The following DCC variants were observed in gnomAD, a reference collection of about 807,000 sequenced individuals.
DCC encodes the protein DCC netrin 1 receptor.
DCC carries 58 observed loss-of-function variants against 172.5 expected under a neutral mutation model. That is an observed-to-expected ratio of 0.34 (90% confidence interval 0.27 to 0.42). DCC has a LOEUF of 0.42. DCC is among the 10% of genes least tolerant of loss of function. The pLI, the probability that DCC is intolerant of heterozygous loss-of-function variation, is 1.00. For synonymous variants in DCC, 709 were observed against 644.5 expected (o/e 1.10, Z -1.52); for missense variants, 1,740 against 1,791.0 (o/e 0.97, Z 0.51).
Position 53,435,207 on chromosome 18 carries a change from A to G in DCC, c.3227A>G (p.Asn1076Ser). 1.3e-6 allele frequency: 2 copies of G among 1,571,346 alleles called. No individual in the cohort carries two copies. The highest frequency in any genetic ancestry group is 1.8e-6 in the Non-Finnish European group (2 of 1,141,196). Reference protein sequence around the residue: ...DTNLIDRSTLNEPPIGQMHPP... With the variant: ...DTNLIDRSTLSEPPIGQMHPP... ...AATTTGATTGATAGAAGCACCCTAAATGGTAAGTATATAAATTAGGTAATA... is the reference window on the plus strand; with the variant it reads ...AATTTGATTGATAGAAGCACCCTAAGTGGTAAGTATATAAATTAGGTAATA... Residue 1076 changes from asparagine (N) to serine (S), a missense_variant and splice_region_variant, in exon 22 of 29, where the codon AAT (asparagine) becomes AGT (serine). Asn to Ser is a conservative substitution (Grantham distance 46). Around this residue, in one of 2 missense-constraint regions of DCC, gnomAD observed 1,732 missense variants for 1,767.4 expected, o/e 0.98. Transcript: ENST00000442544.
intron 5 of DCC, among the ~76,000 whole-genome samples, chr18:52,997,787 G>A (rs547188354): frequency 3.3e-5 from 5 of 151,962 alleles, no homozygotes; most frequent in African/African-American, 7.2e-5. Flanking sequence ...ACGAGTATTC[G>A]CAGTTTTTTG....
chr18:52,352,371 A>G (rs1984162866), intron 1 of DCC, among the ~76,000 whole-genome samples: 1 of 152,158 alleles, frequency 6.6e-6, no homozygotes, highest in South Asian at 2.1e-4. Flanking sequence ...TCCAATGGCA[A>G]TTTTGAAATC....
chr18:52,489,276 C>A (rs1203352102), intron 1 of DCC, among the ~76,000 whole-genome samples: 1 of 152,068 alleles, frequency 6.6e-6, no homozygotes, highest in Non-Finnish European at 1.5e-5. Context: ...TTCCTACCAA[C>A]TTTCTGGCTA....
intron 12 of DCC, among the ~76,000 whole-genome samples, chr18:53,248,818 G>T (rs2056395897): frequency 1.3e-5 from 2 of 152,014 alleles, no homozygotes; most frequent in Admixed American, 1.3e-4. Flanking sequence ...CCCAAGGATT[G>T]ACAATATTCT....
intron 25 of DCC, among the ~76,000 whole-genome samples, chr18:53,477,797 A>G (rs748562667): frequency 2.6e-5 from 4 of 152,204 alleles, no homozygotes; most frequent in Non-Finnish European, 5.9e-5. Context: ...CTTATCCCCA[A>G]GCATTCTTCA....
At position 52,781,000 on chromosome 18, in the gene DCC, AAAAG is replaced by A. The variant is rs528497881; in HGVS notation, c.412+28627_412+28630del. Among the ~76,000 whole-genome samples the A allele has an allele frequency of 4.3e-4, 65 of 152,318 alleles. No homozygotes were observed. In the South Asian group the frequency reaches 0.012, roughly 28 times the overall value. On this transcript the variant is annotated intron_variant, in intron 2 of 28. Coordinates refer to ENST00000442544, the MANE Select transcript of DCC (RefSeq NM_005215.4). Reference sequence around the variant, plus strand: ...ACACAAAAGACAGATTAACAAGAAAAAAAGCAGAACAAATTTATTTCATCAAAGT... The same window carrying A: ...ACACAAAAGACAGATTAACAAGAAAACAGAACAAATTTATTTCATCAAAGT...
At chr18:52,988,438 T>C (rs1318696982) in intron 5 of DCC, among the ~76,000 whole-genome samples, 3 of 152,132 alleles carry the variant, frequency 2.0e-5, no homozygotes, top group Non-Finnish European at 1.5e-5. Flanking sequence ...AAAAATCATT[T>C]CAAAGAGAGA....
chr18:53,420,160 G>C (rs1007677039), intron 21 of DCC, among the ~76,000 whole-genome samples: 3 of 152,076 alleles, frequency 2.0e-5, no homozygotes, highest in African/African-American at 7.2e-5. Context: ...CCACCCAAAA[G>C]CCCTGATTTT....
chr18:52,527,426 T>TGGATTA (rs1185602330), intron 1 of DCC, among the ~76,000 whole-genome samples: 7 of 152,212 alleles, frequency 4.6e-5, no homozygotes, highest in African/African-American at 1.7e-4. Flanking sequence ...AAATGTTTTA[T>TGGATTA]TGGTTATGAT....
intron 1 of DCC, among the ~76,000 whole-genome samples, chr18:52,733,498 T>G (rs1220611760): frequency 6.6e-6 from 1 of 152,024 alleles, no homozygotes; most frequent in Non-Finnish European, 1.5e-5. Context: ...CACCGCCTTT[T>G]TTTGTTTTTT....
At chr18:52,522,221 C>A (rs763867184) in intron 1 of DCC, among the ~76,000 whole-genome samples, 51 of 152,118 alleles carry the variant, frequency 3.4e-4, no homozygotes, top group Non-Finnish European at 6.5e-4. Context: ...CATGGTTTTA[C>A]CATTTCTATG....
chr18:53,084,361 G>A (rs188307058), intron 7 of DCC, among the ~76,000 whole-genome samples: 143 of 152,250 alleles, frequency 9.4e-4, no homozygotes, highest in Non-Finnish European at 1.7e-3. Context: ...ATCTCTCAAA[G>A]GACCCTCCCT....
chr18:53,120,585 A>G (rs1330366834), intron 7 of DCC, among the ~76,000 whole-genome samples: 1 of 151,856 alleles, frequency 6.6e-6, no homozygotes, highest in African/African-American at 2.4e-5. Flanking sequence ...CAGAGGAAAA[A>G]TTGCTCTGCT....
In DCC at chr18:52,340,950, G is replaced by A. The variant is rs1465120048; in HGVS notation, c.91+72G>A. The A allele has an allele frequency of 8.1e-6, 10 of 1,228,514 alleles. No homozygotes were observed. The Admixed American group carries it at 1.0e-4, about 12-fold the overall frequency. 76.1% of individuals were successfully genotyped at this position (1,228,514 alleles called of 1,614,324 possible). On this transcript the variant is annotated intron_variant, in intron 1 of 28. Transcript: ENST00000442544. ...CACTTCCCTTCTCATTTCATTTGGC[G>A]AGTAGTAGAATTGGGGTGGGGGATA...
chr18:53,506,199 G>T (rs1457235028), intron 27 of DCC, among the ~76,000 whole-genome samples: 5 of 152,116 alleles, frequency 3.3e-5, no homozygotes, highest in Non-Finnish European at 7.4e-5. Context: ...AATGTTGGTT[G>T]AATTGGTCAG....
At position 53,040,447 on chromosome 18, in the gene DCC, C is replaced by T. The variant is rs973293344; in HGVS notation, c.986-22858C>T. 5.9e-5 allele frequency among the ~76,000 whole-genome samples: 9 copies of T among 151,880 alleles called. No individual in the cohort carries two copies. In the South Asian group the frequency reaches 1.7e-3, roughly 28 times the overall value. On this transcript the variant is annotated intron_variant, in intron 5 of 28. Coordinates refer to ENST00000442544, the MANE Select transcript of DCC (RefSeq NM_005215.4). ...GGAAGTGGTGGTTAAAATGTGTATT[C>T]CTGAGTTTCATCTCAAACCTGTCAC...
chr18:53,530,309 C>A, intron 28 of DCC: 1 of 702,514 alleles, frequency 1.4e-6, no homozygotes, highest in South Asian at 1.5e-5. Flanking sequence ...GATTTGAAAC[C>A]CAATCTTTTT....
At chr18:53,171,046 G>A (rs530315936) in intron 8 of DCC, among the ~76,000 whole-genome samples, 73 of 152,050 alleles carry the variant, frequency 4.8e-4, no homozygotes, top group Non-Finnish European at 8.4e-4. Context: ...CACCATGCCC[G>A]GCTAATTTTT....
intron 24 of DCC, among the ~76,000 whole-genome samples, chr18:53,467,191 C>T (rs942036412): frequency 6.6e-6 from 1 of 151,874 alleles, no homozygotes; most frequent in South Asian, 2.1e-4. Flanking sequence ...TTCATATACA[C>T]ATAGAAATGT....
Sources: allele counts gnomAD v4.1 joint callset (sites outside exome capture counted in the v4.1 genomes callset), GRCh38; gene constraint gnomAD v4.1.1; regional missense constraint gnomAD v4.1.1; transcripts MANE v1.5; gene names NCBI Gene and HGNC (gene_info 2026-07-23, HGNC 2026-07-21).